Variants in BPIFB1 observed in about 807,000 individuals in gnomAD.
The protein encoded by BPIFB1 is BPI fold containing family B member 1.
BPIFB1 carries 34 observed loss-of-function variants against 55.1 expected under a neutral mutation model. The ratio of observed to expected loss-of-function variants is 0.62; its 90% CI spans 0.47 to 0.82. The LOEUF (loss-of-function observed/expected upper bound fraction) is 0.82. Ranked by LOEUF, BPIFB1 falls within the 40% of genes least tolerant of loss-of-function variation. BPIFB1 has a pLI of 0.00. For synonymous variants in BPIFB1, 236 were observed against 245.3 expected, an observed-to-expected ratio of 0.96 and a Z score of 0.35; for missense variants, 532 against 593.1, an observed-to-expected ratio of 0.90 and a Z score of 1.07.
At position 33,305,936 on chromosome 20, in the gene BPIFB1, G is replaced by A. The variant is rs538518647; in HGVS notation, c.1255-66G>A. On this transcript the variant is annotated intron_variant, in intron 13 of 15. Coordinates refer to ENST00000253354, the MANE Select transcript of BPIFB1 (RefSeq NM_033197.3). ...ACCCATGGGGAGGAGCCACACCCAC[G>A]AAGAATGATGGGGGGGAACTTCAGA... The A allele has an allele frequency of 1.2e-4, 188 of 1,572,310 alleles. No homozygotes were observed. The South Asian group carries it at 1.7e-3, about 14-fold the overall frequency.
chr20:33,300,018 G>T, intron 8 of BPIFB1, 34 bp downstream of exon 8: 1 of 1,579,872 alleles, frequency 6.3e-7, no homozygotes, highest in Non-Finnish European at 8.7e-7. Flanking sequence ...GTGAAGTGGG[G>T]ACATTGCTGC....
At position 33,301,297 on chromosome 20, in the gene BPIFB1, C is replaced by A. The variant is rs758437993; in HGVS notation, c.812C>A (p.Thr271Lys). The A allele has an allele frequency of 5.0e-6, 8 of 1,614,102 alleles. No homozygotes were observed. Among genetic ancestry groups the A allele is most frequent in the Non-Finnish European group, 5.9e-6 (7 of 1,180,040 alleles). ...KWFNNSAASL[T>K]MPTLDNIPFS... ...TTCAATAACTCTGCAGCTTCCCTGA[C>A]AATGCCCACCCTGGACAACATCCCG... Residue 271 changes from threonine to lysine, a missense_variant, in exon 9 of 16, where the codon ACA becomes AAA. Transcript: ENST00000253354.
At chr20:33,286,669 G>A (rs1252921244) in intron 2 of BPIFB1, among the ~76,000 whole-genome samples, 2 of 152,196 alleles carry the variant, frequency 1.3e-5, no homozygotes, top group Non-Finnish European at 2.9e-5. Flanking sequence ...ACAAATAAGA[G>A]GGCCTTCCTC....
intron 7 of BPIFB1, chr20:33,298,988 T>A (rs1057015777): frequency 3.0e-5 from 10 of 328,128 alleles, no homozygotes; most frequent in Non-Finnish European, 6.0e-5. Context: ...TTTTTTTTTT[T>A]TTTGGAGACG....
At chr20:33,289,785 C>A in intron 3 of BPIFB1, 100 bp from the exon 4 acceptor site, 2 of 1,121,580 alleles carry the variant, frequency 1.8e-6, no homozygotes, top group South Asian at 1.3e-5. Context: ...GGTCCCGCTG[C>A]TGCCTAGGCA....
intron 9 of BPIFB1, 128 bp from the exon 10 acceptor site, chr20:33,302,231 T>C (rs1402549809): frequency 2.3e-6 from 2 of 883,156 alleles, no homozygotes; most frequent in Non-Finnish European, 3.8e-6. Flanking sequence ...GACAGACACA[T>C]GGCTTGGGTC....
intron 3 of BPIFB1, among the ~76,000 whole-genome samples, chr20:33,289,391 A>AAC (rs1568647033): frequency 2.0e-5 from 3 of 149,282 alleles, no homozygotes; most frequent in African/African-American, 7.5e-5. Flanking sequence ...CAAAAAAAAA[A>AAC]AAACAAAAAA....
At chr20:33,283,553 G>A (rs1026492132) in intron 1 of BPIFB1, among the ~76,000 whole-genome samples, 1 of 152,096 alleles carries the variant, frequency 6.6e-6, no homozygotes, top group Non-Finnish European at 1.5e-5. Flanking sequence ...CTGCGGTGGT[G>A]CTGGGACAAA....
At chr20:33,308,387 T>C (rs985037640) in intron 15 of BPIFB1, among the ~76,000 whole-genome samples, 2 of 152,088 alleles carry the variant, frequency 1.3e-5, no homozygotes, top group Non-Finnish European at 2.9e-5. Flanking sequence ...AGGCCCAGGA[T>C]CTGAGGCAAC....
chr20:33,292,114 G>C, intron 6 of BPIFB1, 126 bp downstream of exon 6: 2 of 862,228 alleles, frequency 2.3e-6, no homozygotes, highest in Non-Finnish European at 3.8e-6. Flanking sequence ...GAATTATCTG[G>C]GGCTGGATAG....
At chr20:33,302,870 A>G (rs2146534539) in intron 10 of BPIFB1, 46 bp from the exon 11 acceptor site, 1 of 1,605,496 alleles carries the variant, frequency 6.2e-7, no homozygotes, top group Non-Finnish European at 8.5e-7. Flanking sequence ...CCTGTGGGCC[A>G]TGGTGGGCAC....
At chr20:33,296,989 T>C (rs1386481382) in intron 6 of BPIFB1, among the ~76,000 whole-genome samples, 1 of 152,260 alleles carries the variant, frequency 6.6e-6, no homozygotes, top group Non-Finnish European at 1.5e-5. Flanking sequence ...AGTAGCACGA[T>C]TCCAGCTCAC....
chr20:33,286,526 C>G (rs1980271064), intron 2 of BPIFB1, among the ~76,000 whole-genome samples: 1 of 152,186 alleles, frequency 6.6e-6, no homozygotes, highest in African/African-American at 2.4e-5. Flanking sequence ...TTAGTTAGAC[C>G]CAGTGTGCTC....
intron 2 of BPIFB1, among the ~76,000 whole-genome samples, chr20:33,287,889 C>T (rs1341210668): frequency 6.6e-6 from 1 of 152,174 alleles, no homozygotes; most frequent in Non-Finnish European, 1.5e-5. Context: ...AAGGGAATCC[C>T]CCCCATGCCC....
chr20:33,286,187 A>G lies in BPIFB1; in HGVS notation c.114A>G (p.Glu38=). 1 of 1,614,128 alleles carries G rather than the reference A, an allele frequency of 6.2e-7. No individual in the cohort carries two copies. Among genetic ancestry groups the G allele is most frequent in the South Asian group, 1.1e-5 (1 of 91,068 alleles). The change falls in exon 2 of 16, where the codon GAA becomes GAG. Residue 38 remains glutamate, a splice_region_variant and synonymous_variant. Coordinates refer to ENST00000253354, the MANE Select transcript of BPIFB1 (RefSeq NM_033197.3). ...TCCTCGGCCCAAAAGTCATCAAAGA[A>G]AGTAAGTTTTGTCCCTCCGGAGCTG... ...VLILGPKVIK[E]KLTQELKDHN...
rs370722267 is a variant in BPIFB1, at chr20:33,301,219, C to T, written c.748-14C>T. On this transcript the variant is annotated splice_polypyrimidine_tract_variant and intron_variant, in intron 8 of 15. Coordinates refer to ENST00000253354, the MANE Select transcript of BPIFB1 (RefSeq NM_033197.3). ...GTTAAAATTCTTAGCTGACTCCCTG[C>T]TCTGTCTCCTCAGGCCAAGTTGTTG... 9.3e-6 allele frequency: 15 copies of T among 1,611,400 alleles called. No individual in the cohort carries two copies. The highest frequency in any genetic ancestry group is 2.2e-5 in the South Asian group (2 of 91,004).
At chr20:33,295,843 AGGG>A in intron 6 of BPIFB1, among the ~76,000 whole-genome samples, 1 of 138,308 alleles carries the variant, frequency 7.2e-6, no homozygotes, top group African/African-American at 2.7e-5. Context: ...GGGAAGGGGA[AGGG>A]AAGGAAGGAA....
At chr20:33,290,629 AC>A (rs1980435679) in intron 4 of BPIFB1, among the ~76,000 whole-genome samples, 1 of 152,208 alleles carries the variant, frequency 6.6e-6, no homozygotes, top group African/African-American at 2.4e-5. Context: ...GTGGTCAGTA[AC>A]CAAGACAGGC....
chr20:33,285,222 C>G (rs190342033), intron 1 of BPIFB1, among the ~76,000 whole-genome samples: 3 of 152,148 alleles, frequency 2.0e-5, no homozygotes, highest in Admixed American at 6.5e-5. Context: ...AGCAAAGGCA[C>G]GGACACAGGA....
Sources: gnomAD v4.1 joint callset for allele counts (sites outside exome capture counted in the v4.1 genomes callset) on GRCh38, gnomAD v4.1.1 for gene constraint, MANE v1.5 for transcripts, NCBI Gene and HGNC (gene_info 2026-07-23, HGNC 2026-07-21) for gene names.